The following IQCK variants were observed in gnomAD, a reference collection of about 807,000 sequenced individuals.
The protein encoded by IQCK is IQ domain-containing protein K.
IQCK carries 29 observed loss-of-function variants against 28.1 expected under a neutral mutation model. The ratio of observed to expected loss-of-function variants is 1.03; its 90% CI spans 0.77 to 1.41. The LOEUF (loss-of-function observed/expected upper bound fraction) is 1.41. IQCK is among the 40% of genes most tolerant of loss of function. The pLI, the probability that IQCK is intolerant of heterozygous loss-of-function variation, is 0.00. For synonymous variants in IQCK, 113 were observed against 115.1 expected (o/e 0.98, Z 0.12); for missense variants, 359 against 314.7 (o/e 1.14, Z -1.07).
chr16:19,757,816 A>G (rs755400202), intron 4 of IQCK, among the ~76,000 whole-genome samples: 1 of 152,180 alleles, frequency 6.6e-6, no homozygotes, highest in Non-Finnish European at 1.5e-5. Context: ...GAATTCCCAC[A>G]TATCCACTGC....
intron 6 of IQCK, among the ~76,000 whole-genome samples, chr16:19,781,856 G>T (rs9933866): frequency 0.023 from 3,439 of 152,198 alleles, 108 homozygotes; most frequent in African/African-American, 0.078. Context: ...GGGTGTGGTG[G>T]CAGGCGCCTG....
chr16:19,741,010 G>T (rs1360927145), intron 4 of IQCK, among the ~76,000 whole-genome samples: 1 of 151,648 alleles, frequency 6.6e-6, no homozygotes, highest in African/African-American at 2.4e-5. Flanking sequence ...GATGAAGCAG[G>T]ATGAGTCGCC....
chr16:19,737,889 C>G (rs1028769905), intron 4 of IQCK, among the ~76,000 whole-genome samples: 1 of 152,126 alleles, frequency 6.6e-6, no homozygotes, highest in Non-Finnish European at 1.5e-5. Flanking sequence ...TATTTAACTT[C>G]TACTTGTTTT....
intron 2 of IQCK, 94 bp from the exon 3 acceptor site, chr16:19,733,604 A>G (rs1463480646): frequency 2.5e-5 from 36 of 1,428,824 alleles, no homozygotes; most frequent in Non-Finnish European, 3.2e-5. Context: ...TTAAAGTCTG[A>G]TGCAGAATTT....
intron 9 of IQCK, among the ~76,000 whole-genome samples, chr16:19,852,957 G>A (rs368894525): frequency 6.6e-6 from 1 of 152,132 alleles, no homozygotes; most frequent in African/African-American, 2.4e-5. Context: ...AAGTTGATGC[G>A]TGTGGCTTCG....
At chr16:19,745,190 C>T (rs1350348052) in intron 4 of IQCK, among the ~76,000 whole-genome samples, 2 of 152,166 alleles carry the variant, frequency 1.3e-5, no homozygotes, top group East Asian at 1.9e-4. Flanking sequence ...CCTGCTGCAT[C>T]GTCTAGGTTA....
At chr16:19,724,948 AG>A (rs1977608906) in intron 1 of IQCK, among the ~76,000 whole-genome samples, 2 of 152,158 alleles carry the variant, frequency 1.3e-5, no homozygotes, top group African/African-American at 4.8e-5. Context: ...ACATCCCAGA[AG>A]TTGAGGGGAG....
intron 7 of IQCK, among the ~76,000 whole-genome samples, chr16:19,809,908 G>A (rs1185404644): frequency 3.9e-5 from 6 of 152,168 alleles, no homozygotes; most frequent in Non-Finnish European, 8.8e-5. Context: ...TTTGAGAGCT[G>A]GCAGAGGAGT....
intron 4 of IQCK, among the ~76,000 whole-genome samples, chr16:19,737,499 G>A (rs2054774663): frequency 6.6e-6 from 1 of 152,090 alleles, no homozygotes; most frequent in East Asian, 1.9e-4. Context: ...CCTTTGACAG[G>A]CGTCACCATG....
chr16:19,811,258 G>A (rs1447211502), intron 7 of IQCK, among the ~76,000 whole-genome samples: 6 of 152,312 alleles, frequency 3.9e-5, no homozygotes, highest in East Asian at 1.9e-4. Context: ...GTGACAGAGC[G>A]AGACCCTGTC....
intron 9 of IQCK, among the ~76,000 whole-genome samples, chr16:19,851,359 TTTTCACCCCAGGTCATCC>T (rs1446483584): frequency 2.0e-5 from 3 of 152,176 alleles, no homozygotes; most frequent in Non-Finnish European, 4.4e-5. Context: ...GGAATCTATA[TTTTCACCCCAGGTCATCC>T]TTTCATGCTG....
intron 9 of IQCK, among the ~76,000 whole-genome samples, chr16:19,836,638 C>T (rs1337131564): frequency 3.9e-5 from 6 of 152,112 alleles, no homozygotes; most frequent in African/African-American, 9.7e-5. Context: ...CTCAGCCTCC[C>T]GAGTAGCTGG....
chr16:19,741,084 C>T (rs1490700096), intron 4 of IQCK, among the ~76,000 whole-genome samples: 1 of 152,046 alleles, frequency 6.6e-6, no homozygotes, highest in Non-Finnish European at 1.5e-5. Flanking sequence ...TGAGGCCAGA[C>T]CCCAGGGCAC....
intron 6 of IQCK, among the ~76,000 whole-genome samples, chr16:19,782,797 G>A (rs1489232762): frequency 6.6e-6 from 1 of 151,996 alleles, no homozygotes; most frequent in Non-Finnish European, 1.5e-5. Flanking sequence ...CAAGACTAAC[G>A]TCTCAGATTT....
chr16:19,812,764 G>A (rs73536581), intron 7 of IQCK, among the ~76,000 whole-genome samples: 7,200 of 152,112 alleles, frequency 0.047, 559 homozygotes, highest in African/African-American at 0.16. Flanking sequence ...TATAAAATAA[G>A]TATAAGATTA....
At position 19,852,463 on chromosome 16, in the gene IQCK, T is replaced by TC. The variant is rs57946179; in HGVS notation, c.803-4019dup. Reference sequence around the variant, plus strand: ...ACACTGTCAACAGTTTTAAAGCTCTTCCCCCATGAAGCCACTTCTCTGACT... The same window carrying TC: ...ACACTGTCAACAGTTTTAAAGCTCTTCCCCCCATGAAGCCACTTCTCTGACT... On this transcript the variant is annotated intron_variant, in intron 9 of 9. Transcript: ENST00000320394. Among the ~76,000 whole-genome samples, 830 of 152,048 alleles carry TC rather than the reference T, an allele frequency of 5.5e-3. 6 individuals carry two copies. The highest frequency in any genetic ancestry group is 0.018 in the African/African-American group (766 of 41,460).
At chr16:19,814,157 T>C (rs1210317540) in intron 7 of IQCK, among the ~76,000 whole-genome samples, 1 of 145,418 alleles carries the variant, frequency 6.9e-6, no homozygotes, top group Non-Finnish European at 1.5e-5. Context: ...GAGGTGGAGG[T>C]TGCAGTGAGC....
At chr16:19,735,260 A>G in intron 3 of IQCK, 93 bp from the exon 4 acceptor site, 1 of 827,968 alleles carries the variant, frequency 1.2e-6, no homozygotes. Flanking sequence ...TTGAATGGAC[A>G]GTACCTTTTT....
intron 6 of IQCK, among the ~76,000 whole-genome samples, chr16:19,768,343 G>A (rs1299101641): frequency 6.6e-6 from 1 of 152,158 alleles, no homozygotes; most frequent in Admixed American, 6.5e-5. Context: ...GATAACTTTC[G>A]AGGGGGAGAC....
Sources: gnomAD v4.1 joint callset for allele counts (sites outside exome capture counted in the v4.1 genomes callset) on GRCh38, gnomAD v4.1.1 for gene constraint, MANE v1.5 for transcripts, NCBI Gene and HGNC (gene_info 2026-07-23, HGNC 2026-07-21) for gene names.